GLIS3: variants seen among roughly 807,000 people sequenced by gnomAD.
GLIS3 encodes the protein zinc finger protein GLIS3.
GLIS3 carries 53 observed loss-of-function variants against 78.6 expected under a neutral mutation model. That is an observed-to-expected ratio of 0.67 (90% confidence interval 0.54 to 0.85). The LOEUF (loss-of-function observed/expected upper bound fraction) is 0.85. GLIS3 is among the 40% of genes least tolerant of loss of function. The probability of loss-of-function intolerance (pLI) is 0.00; values close to 1 mark genes in which losing one functional copy is unlikely to be tolerated. For missense variants in GLIS3, 1,703 were observed against 1,231.1 expected (o/e 1.38, Z -5.74); for synonymous variants, 684 against 509.9 (o/e 1.34, Z -4.60).
At chr9:4,406,746 G>C in the GLIS3 span, among the ~76,000 whole-genome samples, 1 of 152,044 alleles carries the variant, frequency 6.6e-6, no homozygotes, top group East Asian at 1.9e-4. Context: ...CCAAATACGT[G>C]AAAGATCTCT....
At chr9:4,439,233 T>C in the GLIS3 span, among the ~76,000 whole-genome samples, 1 of 152,374 alleles carries the variant, frequency 6.6e-6, no homozygotes, top group East Asian at 1.9e-4. Context: ...CCAAGATTTC[T>C]ATTTTTAAAA....
rs12553307 is a variant in GLIS3, at chr9:4,158,138, C to G, written c.389-32197G>C. Among the ~76,000 whole-genome samples, 1,188 of 152,114 alleles carry G rather than the reference C, an allele frequency of 7.8e-3. 52 individuals carry two copies. The highest frequency in any genetic ancestry group is 0.068 in the Admixed American group (1,032 of 15,268). The stretch of plus-strand genomic sequence containing the variant: ...GGGAAAAAATCTTTTTTTTCCTTTC[C>G]AAAACGATGCCTCTTTTAAGCTGCT... On this transcript the variant is annotated intron_variant, in intron 2 of 10. Coordinates refer to ENST00000381971, the MANE Select transcript of GLIS3 (RefSeq NM_001042413.2).
At chr9:4,159,917 G>A (rs1292222323) in intron 2 of GLIS3, among the ~76,000 whole-genome samples, 2 of 152,072 alleles carry the variant, frequency 1.3e-5, no homozygotes, top group South Asian at 2.1e-4. Flanking sequence ...CCTCAGACTT[G>A]TTTATTTATA....
chr9:4,166,628 C>G (rs753535965), intron 2 of GLIS3, among the ~76,000 whole-genome samples: 11 of 152,090 alleles, frequency 7.2e-5, no homozygotes, highest in Non-Finnish European at 1.5e-4. Context: ...TTATGTATTC[C>G]CAAGTGGCCA....
At chr9:4,401,955 C>G in the GLIS3 span, among the ~76,000 whole-genome samples, 1 of 152,088 alleles carries the variant, frequency 6.6e-6, no homozygotes, top group Admixed American at 6.6e-5. Flanking sequence ...GGTGTGAGAA[C>G]CAGCTTAGCT....
chr9:4,129,951 G>A (rs181139123), intron 2 of GLIS3, among the ~76,000 whole-genome samples: 1 of 152,328 alleles, frequency 6.6e-6, no homozygotes, highest in African/African-American at 2.4e-5. Flanking sequence ...GGCTGAGGAG[G>A]TCTCAGATGG....
intron 4 of GLIS3, among the ~76,000 whole-genome samples, chr9:3,998,717 G>C (rs1386586922): frequency 6.7e-6 from 1 of 149,598 alleles, no homozygotes; most frequent in African/African-American, 2.4e-5. Flanking sequence ...CAGTTTTAAG[G>C]TTTACTACTT....
the GLIS3 span, among the ~76,000 whole-genome samples, chr9:4,462,329 C>G: frequency 6.6e-6 from 1 of 152,066 alleles, no homozygotes; most frequent in Non-Finnish European, 1.5e-5. Context: ...CCAGAATATC[C>G]AAGCTCAAGA....
intron 2 of GLIS3, among the ~76,000 whole-genome samples, chr9:4,230,865 C>A (rs1822194006): frequency 6.6e-6 from 1 of 152,140 alleles, no homozygotes; most frequent in African/African-American, 2.4e-5. Context: ...ATAAATTCAG[C>A]CCACATGAAA....
At chr9:3,892,882 G>A (rs1822555052) in intron 7 of GLIS3, among the ~76,000 whole-genome samples, 1 of 152,030 alleles carries the variant, frequency 6.6e-6, no homozygotes, top group Non-Finnish European at 1.5e-5. Context: ...CCTGCTTCAG[G>A]TACACCTCAG....
chr9:4,464,956 G>C, the GLIS3 span, among the ~76,000 whole-genome samples: 1 of 152,234 alleles, frequency 6.6e-6, no homozygotes, highest in Admixed American at 6.5e-5. Flanking sequence ...AGCTAGTATA[G>C]TGTATTCCTC....
At chr9:4,021,375 A>G (rs1822870791) in intron 4 of GLIS3, among the ~76,000 whole-genome samples, 2 of 152,172 alleles carry the variant, frequency 1.3e-5, no homozygotes, top group Admixed American at 6.5e-5. Flanking sequence ...CCTTTGCAAA[A>G]CCTATCCTAA....
chr9:4,163,612 T>C (rs73643713), intron 2 of GLIS3, among the ~76,000 whole-genome samples: 12,116 of 152,290 alleles, frequency 0.08, 516 homozygotes, highest in East Asian at 0.13. Context: ...GAAATTAGAC[T>C]GCAAAGATTC....
At chr9:3,935,116 G>A in intron 5 of GLIS3, among the ~76,000 whole-genome samples, 1 of 152,104 alleles carries the variant, frequency 6.6e-6, no homozygotes, top group East Asian at 1.9e-4. Context: ...AATTCTGACA[G>A]TATTATAGTA....
At chr9:4,088,428 G>C (rs1564029574) in intron 4 of GLIS3, among the ~76,000 whole-genome samples, 1 of 152,252 alleles carries the variant, frequency 6.6e-6, no homozygotes, top group Non-Finnish European at 1.5e-5. Flanking sequence ...CCACTGAAAT[G>C]AGAGATGAAT....
chr9:4,382,883 G>A, the GLIS3 span, among the ~76,000 whole-genome samples: 1 of 152,200 alleles, frequency 6.6e-6, no homozygotes, highest in Non-Finnish European at 1.5e-5. Flanking sequence ...AGGAAGACCA[G>A]CTGGTGTCAC....
At chr9:4,295,551 G>A (rs1172140123) in intron 1 of GLIS3, among the ~76,000 whole-genome samples, 3 of 152,198 alleles carry the variant, frequency 2.0e-5, no homozygotes, top group Admixed American at 6.5e-5. Flanking sequence ...ATTTACACAA[G>A]ATTTTTTTTA....
chr9:4,395,561 G>T, the GLIS3 span, among the ~76,000 whole-genome samples: 3 of 152,130 alleles, frequency 2.0e-5, no homozygotes, highest in Non-Finnish European at 2.9e-5. Flanking sequence ...TGCCTGGGAA[G>T]GTGATACCTC....
the GLIS3 span, among the ~76,000 whole-genome samples, chr9:4,394,501 G>A: frequency 6.8e-3 from 1,038 of 152,116 alleles, 4 homozygotes; most frequent in African/African-American, 0.023. Flanking sequence ...CAACAAGCAC[G>A]GGAAACCTGT....
Sources: gnomAD v4.1 joint callset for allele counts (sites outside exome capture counted in the v4.1 genomes callset) on GRCh38, gnomAD v4.1.1 for gene constraint, MANE v1.5 for transcripts, NCBI Gene and HGNC (gene_info 2026-07-23, HGNC 2026-07-21) for gene names.